The following RNF115 variants were observed in gnomAD, a reference collection of about 807,000 sequenced individuals.
The protein encoded by RNF115 is E3 ubiquitin-protein ligase RNF115.
In RNF115, 31 loss-of-function variants were observed where a neutral mutation model predicts 39.2. The observed-to-expected ratio is 0.79, with a 90% confidence interval of 0.59 to 1.07. The LOEUF is 1.07. Among genes scored for constraint, RNF115 ranks in the 50% least tolerant of loss-of-function variants. The pLI, the probability that RNF115 is intolerant of heterozygous loss-of-function variation, is 0.00. For missense variants in RNF115, 384 were observed against 381.7 expected (o/e 1.01, Z -0.05); for synonymous variants, 124 against 131.0 (o/e 0.95, Z 0.37).
At chr1:145,753,909 T>C (rs1453830103) in intron 4 of RNF115, among the ~76,000 whole-genome samples, 2 of 152,092 alleles carry the variant, frequency 1.3e-5, no homozygotes, top group African/African-American at 2.4e-5. Flanking sequence ...GTAGATTTAG[T>C]AGAGATGGGG....
intron 4 of RNF115, among the ~76,000 whole-genome samples, chr1:145,766,718 A>T (rs1276830604): frequency 4.8e-5 from 5 of 103,500 alleles, no homozygotes; most frequent in African/African-American, 1.8e-4. Context: ...GTCCGGGCAG[A>T]GGGGCTCCTC....
At position 145,823,952 on chromosome 1, in the gene RNF115, T is replaced by TCGCCGC. The variant is rs782442509; in HGVS notation, c.-85_-80dup. The TCGCCGC allele has an allele frequency of 2.4e-5, 25 of 1,055,074 alleles. No individual in the cohort carries two copies. The highest frequency in any genetic ancestry group is 8.3e-5 in the Admixed American group (2 of 23,990). 65.4% of individuals were successfully genotyped at this position (1,055,074 alleles called of 1,614,324 possible). A position where few individuals can be genotyped will look rare whatever the true frequency, so the allele number is the denominator to read the frequency against. On this transcript the variant is annotated 5_prime_UTR_variant, in exon 1 of 9. Transcript: ENST00000582693. ...GCCGCTACCTCCCGAGCTGCAGTCG[T>TCGCCGC]CGCCGCCGCCGCCGCCTCGGTGCGG... is the stretch of plus-strand genomic sequence containing the variant.
chr1:145,771,806 AGT>A lies in RNF115; in HGVS notation c.331_332del (p.Thr111Ter). 1 of 1,614,138 alleles carries A rather than the reference AGT, an allele frequency of 6.2e-7. No individual in the cohort carries two copies. Among genetic ancestry groups the A allele is most frequent in the Non-Finnish European group, 8.5e-7 (1 of 1,179,964 alleles). On this transcript the variant is annotated frameshift_variant, in exon 4 of 9. Transcript: ENST00000582693. LOFTEE classifies it high-confidence loss of function. Reference protein sequence around the residue: ...RANERGHQTHTDFWGARPPRL... With the variant: ...RANERGHQTHXDFWGARPPRL... ...GTGGAGGTCTTGCTCCCCAGAAGTC[AGT>A]GTGAGTCTGGTGACCCCTTTCATTG... is the stretch of plus-strand genomic sequence containing the variant.
At position 145,748,011 on chromosome 1, in the gene RNF115, A is replaced by G; in HGVS notation, c.767T>C (p.Val256Ala). The change falls in exon 8 of 9, where the codon GTG becomes GCG. Residue 256 changes from valine to alanine, a missense_variant. By Grantham distance (64) the Val-to-Ala change is moderately conservative (BLOSUM62 0). Coordinates refer to ENST00000582693, the MANE Select transcript of RNF115 (RefSeq NM_014455.4). ...TGTACTCACCAGTTCTAGCCACGGCACAATACAACTGCTGTGAAAGAAGTG... is the reference window on the plus strand; with the variant it reads ...TGTACTCACCAGTTCTAGCCACGGCGCAATACAACTGCTGTGAAAGAAGTG... ...CNHFFHSSCI[V>A]PWLELHDTCP... 1 of 1,612,828 alleles carries G rather than the reference A, an allele frequency of 6.2e-7. No homozygotes were observed. Among genetic ancestry groups the G allele is most frequent in the East Asian group, 2.2e-5 (1 of 44,862 alleles).
At position 145,742,143 on chromosome 1, in the gene RNF115, C is replaced by T. The variant is rs1054635977; in HGVS notation, c.*4723G>A. The T allele has an allele frequency of 6.6e-6, 1 of 152,026 alleles. No homozygotes were observed. Among genetic ancestry groups the T allele is most frequent in the African/African-American group, 2.4e-5 (1 of 41,394 alleles). The allele number at this position is 152,026 out of a possible 1,614,324, so 9.4% of individuals were successfully genotyped here. ...AAAATGTGTCTTCCACTTCTTAAAC[C>T]CCAAAGCTGTTTTGTTGTTGTTGTC... is the stretch of plus-strand genomic sequence containing the variant. On this transcript the variant is annotated 3_prime_UTR_variant, in exon 9 of 9. Coordinates refer to ENST00000582693, the MANE Select transcript of RNF115 (RefSeq NM_014455.4).
chr1:145,791,097 G>C (rs1166343412), intron 1 of RNF115, among the ~76,000 whole-genome samples: 3 of 151,350 alleles, frequency 2.0e-5, no homozygotes, highest in Admixed American at 1.3e-4. Context: ...AGCCCAGATA[G>C]TGCCATTGCA....
At chr1:145,797,962 A>T (rs1473545948) in intron 1 of RNF115, among the ~76,000 whole-genome samples, 4 of 152,174 alleles carry the variant, frequency 2.6e-5, no homozygotes, top group Admixed American at 2.6e-4. Context: ...AGAAATGACT[A>T]TTCAAGTCAT....
intron 1 of RNF115, among the ~76,000 whole-genome samples, chr1:145,801,539 AAAAGAAAG>A (rs1434702891): frequency 6.6e-6 from 1 of 152,186 alleles, no homozygotes; most frequent in South Asian, 2.1e-4. Flanking sequence ...ATGTCAAAAA[AAAAGAAAG>A]AAAGAAAGAA....
intron 1 of RNF115, among the ~76,000 whole-genome samples, chr1:145,811,904 A>T (rs1231542368): frequency 1.5e-3 from 127 of 85,350 alleles, no homozygotes; most frequent in Middle Eastern, 0.011. Context: ...AAAAAAAAAA[A>T]AAAAATATAT....
At chr1:145,809,400 C>CT (rs1319237030) in intron 1 of RNF115, among the ~76,000 whole-genome samples, 1 of 151,450 alleles carries the variant, frequency 6.6e-6, no homozygotes. Context: ...TGGCTGGTCT[C>CT]AAACTCCCGA....
At chr1:145,764,584 T>C (rs1255552456) in intron 4 of RNF115, among the ~76,000 whole-genome samples, 1 of 144,986 alleles carries the variant, frequency 6.9e-6, no homozygotes, top group Non-Finnish European at 1.5e-5. Context: ...GTCTGAGAAG[T>C]GAGGATCCCC....
At chr1:145,748,496 T>C (rs1657960108) in intron 7 of RNF115, among the ~76,000 whole-genome samples, 1 of 152,206 alleles carries the variant, frequency 6.6e-6, no homozygotes, top group Non-Finnish European at 1.5e-5. Flanking sequence ...ACTGTGAATC[T>C]GTCCACCATA....
In RNF115 at chr1:145,794,596, A is replaced by C. The variant is rs147063546; in HGVS notation, c.103-5630T>G. On this transcript the variant is annotated intron_variant, in intron 1 of 8. Transcript: ENST00000582693. ...GCGATCTCCTATTGGAATCATGTGAAGTCCCCACTTCACATGGTCCCAGTC... is the reference window on the plus strand; with the variant it reads ...GCGATCTCCTATTGGAATCATGTGACGTCCCCACTTCACATGGTCCCAGTC... Among the ~76,000 whole-genome samples the C allele has an allele frequency of 9.8e-5, 14 of 143,520 alleles. No individual in the cohort carries two copies. The East Asian group carries it at 2.8e-3, about 29-fold the overall frequency. 94.2% of individuals were successfully genotyped at this position (143,520 alleles called of 152,430 possible).
chr1:145,792,906 A>G (rs1648744578), intron 1 of RNF115, among the ~76,000 whole-genome samples: 1 of 152,222 alleles, frequency 6.6e-6, no homozygotes, highest in South Asian at 2.1e-4. Context: ...CATAATGGGC[A>G]TACTGTAAAC....
chr1:145,797,813 CCT>C (rs587728131), intron 1 of RNF115, among the ~76,000 whole-genome samples: 377 of 152,184 alleles, frequency 2.5e-3, no homozygotes, highest in African/African-American at 8.4e-3. Flanking sequence ...CTCGTAATTC[CCT>C]GTTTGTTTTT....
intron 1 of RNF115, among the ~76,000 whole-genome samples, chr1:145,789,848 TA>T (rs1559122064): frequency 6.6e-6 from 1 of 151,504 alleles, no homozygotes. Context: ...TAGGTGGGAT[TA>T]CAAGCCCCTG....
intron 3 of RNF115, chr1:145,773,017 T>C (rs1647709697): frequency 6.6e-6 from 1 of 152,238 alleles, no homozygotes; most frequent in Non-Finnish European, 1.5e-5. Flanking sequence ...TTTCAATTAT[T>C]GTAACCTTCA....
intron 4 of RNF115, among the ~76,000 whole-genome samples, chr1:145,755,820 G>A (rs1168179963): frequency 2.0e-5 from 3 of 152,042 alleles, no homozygotes; most frequent in Non-Finnish European, 4.4e-5. Context: ...GAAACTGGAG[G>A]GAAAAGGATC....
intron 1 of RNF115, among the ~76,000 whole-genome samples, chr1:145,797,765 A>C (rs1483564987): frequency 6.6e-6 from 1 of 152,160 alleles, no homozygotes; most frequent in Non-Finnish European, 1.5e-5. Context: ...CCAACAGTGC[A>C]CAAGAATAGT....
Sources: allele counts gnomAD v4.1 joint callset (sites outside exome capture counted in the v4.1 genomes callset), GRCh38; gene constraint gnomAD v4.1.1; transcripts MANE v1.5; gene names NCBI Gene and HGNC (gene_info 2026-07-23, HGNC 2026-07-21).